Variants in SLC71A2 observed in about 807,000 individuals in gnomAD.
SLC71A2 encodes the protein hippocampus abundant transcript-like 1.
chr9:94,422,950 T>C, the SLC71A2 span, among the ~76,000 whole-genome samples: 2 of 132,636 alleles, frequency 1.5e-5, no homozygotes, highest in Non-Finnish European at 3.2e-5. Context: ...TTTTTTTTTT[T>C]CTAGATGGAG....
the SLC71A2 span, among the ~76,000 whole-genome samples, chr9:94,445,836 A>T: frequency 6.6e-6 from 1 of 152,308 alleles, no homozygotes; most frequent in Non-Finnish European, 1.5e-5. Context: ...CCCCAAGTTT[A>T]CCTTTCAGAA....
chr9:94,435,970 G>T, the SLC71A2 span, among the ~76,000 whole-genome samples: 1 of 151,286 alleles, frequency 6.6e-6, no homozygotes, highest in African/African-American at 2.4e-5. Flanking sequence ...TTCTTAAAAG[G>T]CTTTCTTTAC....
At chr9:94,452,721 A>C in the SLC71A2 span, among the ~76,000 whole-genome samples, 1 of 99,060 alleles carries the variant, frequency 1.0e-5, no homozygotes, top group Non-Finnish European at 2.7e-5. Context: ...ATTCATATAT[A>C]TATAATAGAT....
At chr9:94,381,967 A>G in the SLC71A2 span, among the ~76,000 whole-genome samples, 1 of 151,312 alleles carries the variant, frequency 6.6e-6, no homozygotes, top group East Asian at 1.9e-4. Context: ...GTGATGTCTC[A>G]TTGTTCTTTT....
the SLC71A2 span, among the ~76,000 whole-genome samples, chr9:94,389,982 A>T: frequency 1.1e-3 from 162 of 152,194 alleles, no homozygotes; most frequent in Non-Finnish European, 1.1e-3. Flanking sequence ...TGGGAGGCCG[A>T]GGTGGGTGGA....
the SLC71A2 span, among the ~76,000 whole-genome samples, chr9:94,381,977 T>C: frequency 6.6e-6 from 1 of 152,144 alleles, no homozygotes; most frequent in Non-Finnish European, 1.5e-5. Flanking sequence ...ATTGTTCTTT[T>C]AATTTGTGCT....
the SLC71A2 span, chr9:94,459,985 C>A: frequency 6.5e-6 from 1 of 152,894 alleles, no homozygotes; most frequent in African/African-American, 2.4e-5. Context: ...ACTTTCTATT[C>A]TTAGCTAGAA....
chr9:94,451,405 ATTATT>A, the SLC71A2 span: 2 of 884,952 alleles, frequency 2.3e-6, no homozygotes, highest in African/African-American at 3.6e-5. Flanking sequence ...AATATTTCTT[ATTATT>A]TTATAATATC....
chr9:94,436,901 G>A, the SLC71A2 span, among the ~76,000 whole-genome samples: 1 of 152,220 alleles, frequency 6.6e-6, no homozygotes, highest in African/African-American at 2.4e-5. Context: ...CGGGTACAGA[G>A]ATAAGAAGAA....
chr9:94,399,740 G>A, the SLC71A2 span, among the ~76,000 whole-genome samples: 5 of 151,818 alleles, frequency 3.3e-5, no homozygotes, highest in African/African-American at 9.7e-5. Context: ...CCAGGTGGTC[G>A]ATCTAGGTCT....
the SLC71A2 span, chr9:94,459,572 GT>G: frequency 0.44 from 207,656 of 475,940 alleles, 28,343 homozygotes; most frequent in African/African-American, 0.62. Flanking sequence ...TCCTCCTCCT[GT>G]TTTTTTTTTT....
At chr9:94,385,740 T>G in the SLC71A2 span, among the ~76,000 whole-genome samples, 32 of 152,254 alleles carry the variant, frequency 2.1e-4, no homozygotes, top group African/African-American at 6.5e-4. Flanking sequence ...CACACTGTTT[T>G]GATCACTGTG....
the SLC71A2 span, among the ~76,000 whole-genome samples, chr9:94,458,824 A>G: frequency 6.6e-6 from 1 of 152,190 alleles, no homozygotes; most frequent in Non-Finnish European, 1.5e-5. Context: ...TGTTCCCTCT[A>G]AGCCATATCT....
chr9:94,392,408 A>G, the SLC71A2 span, among the ~76,000 whole-genome samples: 1 of 151,830 alleles, frequency 6.6e-6, no homozygotes, highest in East Asian at 1.9e-4. Flanking sequence ...TTTGAGGAAG[A>G]TTATAGCTGT....
chr9:94,399,834 T>G, the SLC71A2 span, among the ~76,000 whole-genome samples: 1 of 151,392 alleles, frequency 6.6e-6, no homozygotes, highest in Admixed American at 6.6e-5. Flanking sequence ...AGATGGAGTT[T>G]CGCTTTTGTT....
At chr9:94,412,213 T>A in the SLC71A2 span, among the ~76,000 whole-genome samples, 2 of 152,242 alleles carry the variant, frequency 1.3e-5, no homozygotes, top group African/African-American at 4.8e-5. Flanking sequence ...TTCAGTGAAC[T>A]GGTTCATATT....
At chr9:94,453,290 C>T in the SLC71A2 span, among the ~76,000 whole-genome samples, 1 of 151,874 alleles carries the variant, frequency 6.6e-6, no homozygotes, top group East Asian at 1.9e-4. Context: ...GCTGGGACTA[C>T]AAGTGTGCAC....
chr9:94,436,486 C>A, the SLC71A2 span, among the ~76,000 whole-genome samples: 1 of 152,222 alleles, frequency 6.6e-6, no homozygotes, highest in Admixed American at 6.5e-5. Context: ...CTAGCTATGC[C>A]TGAAGCTAAA....
the SLC71A2 span, among the ~76,000 whole-genome samples, chr9:94,422,965 G>T: frequency 6.5e-5 from 9 of 137,828 alleles, no homozygotes; most frequent in African/African-American, 1.9e-4. Context: ...ATGGAGTCTT[G>T]CTCTTGTTGC....
Sources: allele counts gnomAD v4.1 joint callset (sites outside exome capture counted in the v4.1 genomes callset), GRCh38; gene constraint gnomAD v4.1.1; transcripts MANE v1.5; gene names NCBI Gene and HGNC (gene_info 2026-07-23, HGNC 2026-07-21).